ABCC1: variants seen among roughly 807,000 people sequenced by gnomAD.
ABCC1 encodes the protein multidrug resistance-associated protein 1.
ABCC1 carries 83 observed loss-of-function variants against 172.9 expected under a neutral mutation model. That is an observed-to-expected ratio of 0.48 (90% confidence interval 0.40 to 0.58). The LOEUF is 0.58. Among genes scored for constraint, ABCC1 ranks in the 20% least tolerant of loss-of-function variants. ABCC1 has a pLI of 0.00. For missense variants in ABCC1, 1,817 were observed against 2,002.7 expected, an observed-to-expected ratio of 0.91 and a Z score of 1.77; for synonymous variants, 937 against 825.2, an observed-to-expected ratio of 1.14 and a Z score of -2.32.
intron 20 of ABCC1, among the ~76,000 whole-genome samples, chr16:16,104,586 C>G (rs902290375): frequency 1.3e-5 from 2 of 152,226 alleles, no homozygotes; most frequent in Non-Finnish European, 2.9e-5. Context: ...GCACCAGACT[C>G]AGGAGCCCAG....
rs375568401 is a variant in ABCC1 at position 16,106,846 on chromosome 16, G to A, written c.2844G>A (p.Met948Ile). ...EAKKEETWKL[M>I]EADKAQTGQV... Reference sequence around the variant, plus strand: ...AGAAGGAGGAGACCTGGAAGCTGATGGAGGCTGACAAGGCGCAGACAGGGC... The same window carrying A: ...AGAAGGAGGAGACCTGGAAGCTGATAGAGGCTGACAAGGCGCAGACAGGGC... The change falls in exon 21 of 31, where the codon ATG becomes ATA. Residue 948 changes from methionine (M) to isoleucine (I), a missense_variant. Transcript: ENST00000399410. 1.4e-4 allele frequency: 223 copies of A among 1,614,066 alleles called. No individual in the cohort carries two copies. Among genetic ancestry groups the A allele is most frequent in the Non-Finnish European group, 1.8e-4 (218 of 1,180,058 alleles).
chr16:15,954,340 CT>C (rs34993915), intron 1 of ABCC1, among the ~76,000 whole-genome samples: 1 of 152,054 alleles, frequency 6.6e-6, no homozygotes, highest in Non-Finnish European at 1.5e-5. Context: ...TGTTTTCCCC[CT>C]TTTTGGCTGC....
chr16:15,972,732 G>A (rs2046396943), intron 1 of ABCC1, among the ~76,000 whole-genome samples: 1 of 151,904 alleles, frequency 6.6e-6, no homozygotes, highest in African/African-American at 2.4e-5. Flanking sequence ...AAACAGCAAG[G>A]GAGAAACTTT....
chr16:15,989,068 CAAAAAAAAAAAA>C (rs35441399), intron 1 of ABCC1, among the ~76,000 whole-genome samples: 1 of 76,682 alleles, frequency 1.3e-5, no homozygotes, highest in Non-Finnish European at 2.5e-5. Flanking sequence ...GACTCTGTCT[CAAAAAAAAAAAA>C]AAAAAAAAAA....
intron 22 of ABCC1, among the ~76,000 whole-genome samples, chr16:16,112,149 C>T (rs1321878848): frequency 6.6e-6 from 1 of 151,980 alleles, no homozygotes; most frequent in African/African-American, 2.4e-5. Context: ...GCCAGATATT[C>T]GAGACCAGCC....
intron 12 of ABCC1, among the ~76,000 whole-genome samples, chr16:16,060,814 G>A (rs11861765): frequency 0.032 from 4,816 of 151,814 alleles, 219 homozygotes; most frequent in African/African-American, 0.11. Context: ...GAGCCACCGC[G>A]CCTGGACTCT....
intron 1 of ABCC1, among the ~76,000 whole-genome samples, chr16:15,963,754 A>G (rs780843259): frequency 6.6e-6 from 1 of 152,182 alleles, no homozygotes; most frequent in African/African-American, 2.4e-5. Flanking sequence ...GACCCAGCCC[A>G]GGAAACCGTT....
Position 16,098,818 on chromosome 16 carries a change from G to A in ABCC1, c.2645-3809G>A, listed in dbSNP as rs547618097. The A allele has an allele frequency of 7.0e-5, 93 of 1,337,240 alleles. No individual in the cohort carries two copies. The Admixed American group carries it at 7.6e-4, about 11-fold the overall frequency. 82.8% of individuals were successfully genotyped at this position (1,337,240 alleles called of 1,614,324 possible). A position where few individuals can be genotyped will look rare whatever the true frequency, so the allele number is the denominator to read the frequency against. Reference sequence around the variant, plus strand: ...ACTCCTTTATTTAGATAGGGGCTTAGGGCGGGAGTTTCGCTTTGCTTCTTA... The same window carrying A: ...ACTCCTTTATTTAGATAGGGGCTTAAGGCGGGAGTTTCGCTTTGCTTCTTA... On this transcript the variant is annotated intron_variant, in intron 19 of 30. Transcript: ENST00000399410.
chr16:16,084,352 C>T (rs979012241), intron 17 of ABCC1, among the ~76,000 whole-genome samples: 2 of 150,302 alleles, frequency 1.3e-5, no homozygotes, highest in African/African-American at 4.9e-5. Context: ...ATCCGCTGGC[C>T]TCAGCCTCTC....
chr16:16,029,274 G>A (rs555703963), intron 5 of ABCC1, among the ~76,000 whole-genome samples: 1 of 152,136 alleles, frequency 6.6e-6, no homozygotes, highest in African/African-American at 2.4e-5. Context: ...CCAGGCTGGA[G>A]TGCGATGGCA....
intron 21 of ABCC1, among the ~76,000 whole-genome samples, chr16:16,108,533 A>G (rs1158069762): frequency 6.8e-6 from 1 of 146,530 alleles, no homozygotes; most frequent in Non-Finnish European, 1.5e-5. Context: ...CCTCCCAAAG[A>G]GCTGGTGCTG....
chr16:15,977,678 T>A (rs1374365757), intron 1 of ABCC1, among the ~76,000 whole-genome samples: 2 of 152,064 alleles, frequency 1.3e-5, no homozygotes, highest in African/African-American at 4.8e-5. Context: ...GAACTCCTGG[T>A]CTCAAGTGAT....
chr16:16,032,076 C>T (rs1324774914), intron 5 of ABCC1, among the ~76,000 whole-genome samples: 4 of 152,134 alleles, frequency 2.6e-5, no homozygotes, highest in Admixed American at 1.3e-4. Context: ...CTGCAACCTC[C>T]GCCTCCTGGG....
Position 16,141,873 on chromosome 16 carries a change from C to G in ABCC1, c.*592C>G, listed in dbSNP as rs1173192662. On this transcript the variant is annotated 3_prime_UTR_variant, in exon 31 of 31. Coordinates refer to ENST00000399410, the MANE Select transcript of ABCC1 (RefSeq NM_004996.4). Reference sequence around the variant, plus strand: ...GATGGTCCTCTTACCAACATCTGGTCTTCCAGGCACTCAAAAGCTGGGAAC... The same window carrying G: ...GATGGTCCTCTTACCAACATCTGGTGTTCCAGGCACTCAAAAGCTGGGAAC... The G allele has an allele frequency of 6.5e-6, 1 of 152,676 alleles. No homozygotes were observed. Among genetic ancestry groups the G allele is most frequent in the Non-Finnish European group, 1.5e-5 (1 of 68,396 alleles). 9.5% of individuals were successfully genotyped at this position (152,676 alleles called of 1,614,324 possible).
At chr16:16,006,844 T>TGGCGGCGGC (rs2047548476) in intron 1 of ABCC1, among the ~76,000 whole-genome samples, 1 of 148,326 alleles carries the variant, frequency 6.7e-6, no homozygotes, top group Non-Finnish European at 1.5e-5. Context: ...TTGTTATCCG[T>TGGCGGCGGC]GGTGGTGGCG....
At chr16:16,108,808 G>T (rs2052260573) in intron 21 of ABCC1, among the ~76,000 whole-genome samples, 1 of 151,646 alleles carries the variant, frequency 6.6e-6, no homozygotes, top group Non-Finnish European at 1.5e-5. Flanking sequence ...CTGTCGCCCA[G>T]ACTGGTCTTG....
At chr16:16,124,111 G>A (rs1274947629) in intron 24 of ABCC1, among the ~76,000 whole-genome samples, 1 of 152,158 alleles carries the variant, frequency 6.6e-6, no homozygotes, top group African/African-American at 2.4e-5. Flanking sequence ...GTCTGGGCTT[G>A]GGAACGTTAC....
intron 11 of ABCC1, among the ~76,000 whole-genome samples, chr16:16,055,110 G>A (rs546430491): frequency 6.6e-6 from 1 of 152,190 alleles, no homozygotes; most frequent in South Asian, 2.1e-4. Context: ...TATGCCTGTG[G>A]TCCCAGATAC....
At chr16:16,057,800 G>A (rs1205091936) in intron 12 of ABCC1, among the ~76,000 whole-genome samples, 3 of 151,956 alleles carry the variant, frequency 2.0e-5, no homozygotes, top group Non-Finnish European at 2.9e-5. Context: ...TTTTGAAATG[G>A]GGTCTCGCTC....
Sources: gnomAD v4.1 joint callset for allele counts (sites outside exome capture counted in the v4.1 genomes callset) on GRCh38, gnomAD v4.1.1 for gene constraint, MANE v1.5 for transcripts, NCBI Gene and HGNC (gene_info 2026-07-23, HGNC 2026-07-21) for gene names.